Variants in WNT10A observed in about 807,000 individuals in gnomAD.
WNT10A encodes Wnt family member 10A.
In WNT10A, 37 loss-of-function variants were observed where a neutral mutation model predicts 36.1. The observed-to-expected ratio is 1.02, with a 90% CI of 0.79 to 1.35. WNT10A has a LOEUF of 1.35. Ranked by LOEUF, WNT10A falls within the 40% of genes most tolerant of loss-of-function variation. WNT10A has a pLI of 0.00. For synonymous variants in WNT10A, 255 were observed against 254.1 expected, an observed-to-expected ratio of 1.00 and a Z score of -0.03; for missense variants, 613 against 601.4, an observed-to-expected ratio of 1.02 and a Z score of -0.20.
At chr2:218,874,644 T>C in the WNT10A span, among the ~76,000 whole-genome samples, 1 of 152,178 alleles carries the variant, frequency 6.6e-6, no homozygotes, top group African/African-American at 2.4e-5. Context: ...AGGGATGGCA[T>C]AGCCCAACTT....
chr2:218,878,822 T>C (rs1336410395), upstream of WNT10A, among the ~76,000 whole-genome samples: 1 of 152,200 alleles, frequency 6.6e-6, no homozygotes, highest in Non-Finnish European at 1.5e-5. This position sits in a 1 kb window ranked among gnomAD's most constrained non-coding sequence, Gnocchi z 4.1. Flanking sequence ...CCAATAAGAA[T>C]ATGACTCTCC....
Position 218,882,399 on chromosome 2 carries a change from T to TA in WNT10A, c.353dup (p.Tyr118Ter). The stretch of plus-strand genomic sequence containing the variant: ...CCTGGAGACTCGCAACAAGATCCCC[T>TA]ATGAGAGTCCCATCTTCAGCAGAGG... ...SSLETRNKIP[Y>*]ESPIFSRGFR... is the part of the protein sequence containing the mutation. The change falls in exon 2 of 4, where the codon TAT (tyrosine) becomes TAAT (stop). Residue 118 changes from tyrosine to a stop codon, truncating the protein, a stop_gained and frameshift_variant. Transcript: ENST00000258411. LOFTEE classifies it high-confidence loss of function. 1 of 1,614,108 alleles carries TA rather than the reference T, an allele frequency of 6.2e-7. No homozygotes were observed. The highest frequency in any genetic ancestry group is 8.5e-7 in the Non-Finnish European group (1 of 1,180,000).
At position 218,892,923 on chromosome 2, in the gene WNT10A, G is replaced by A. The variant is rs898393511; in HGVS notation, c.906G>A (p.Pro302=). ...TCCACCGCGCCACGCTCATCCGGCC[G>A]CACAACCGCAACGGCGGCCAGCTGG... The part of the protein sequence containing the change: ...SRFHRATLIR[P]HNRNGGQLEP... Residue 302 remains proline, a synonymous_variant, in exon 4 of 4, where the codon CCG becomes CCA. Coordinates refer to ENST00000258411, the MANE Select transcript of WNT10A (RefSeq NM_025216.3). 4.0e-6 allele frequency: 6 copies of A among 1,498,514 alleles called. No homozygotes were observed. The African/African-American group carries it at 8.6e-5, about 22-fold the overall frequency. The allele number at this position is 1,498,514 out of a possible 1,614,324, so 92.8% of individuals were successfully genotyped here. A position where few individuals can be genotyped will look rare whatever the true frequency, so the allele number is the denominator to read the frequency against.
At position 218,882,133 on chromosome 2, in the gene WNT10A, G is replaced by A. The variant is rs537117370; in HGVS notation, c.114-28G>A. The A allele has an allele frequency of 4.5e-5, 73 of 1,608,286 alleles. No homozygotes were observed. In the South Asian group the frequency reaches 5.7e-4, roughly 13 times the overall value. On this transcript the variant is annotated intron_variant, in intron 1 of 3. Transcript: ENST00000258411. ...GGCTCTCCTGGTCCCCCCAAAACAC[G>A]TACCCACTCCACCCCATATGTCTGC...
intron 3 of WNT10A, among the ~76,000 whole-genome samples, chr2:218,892,060 C>T (rs562555963): frequency 3.1e-4 from 47 of 152,062 alleles, no homozygotes; most frequent in Non-Finnish European, 6.3e-4. Flanking sequence ...TGGCTCTCTC[C>T]GGTTCCATTC....
In WNT10A at chr2:218,880,944, G is replaced by C; in HGVS notation, c.-52G>C. 1 of 1,529,672 alleles carries C rather than the reference G, an allele frequency of 6.5e-7. No homozygotes were observed. The highest frequency in any genetic ancestry group is 8.8e-7 in the Non-Finnish European group (1 of 1,138,528). 94.8% of individuals were successfully genotyped at this position (1,529,672 alleles called of 1,614,324 possible). A position where few individuals can be genotyped will look rare whatever the true frequency, so the allele number is the denominator to read the frequency against. ...ATGCGCCGGCGCCCCTGGCTCTCCA[G>C]TCCCACTGGGCTGTGAGCCCCCCAC... On this transcript the variant is annotated 5_prime_UTR_variant, in exon 1 of 4. Coordinates refer to ENST00000258411, the MANE Select transcript of WNT10A (RefSeq NM_025216.3). The surrounding 1 kb of genome is among the most constrained non-coding windows in gnomAD (Gnocchi z 7.7).
At chr2:218,886,709 A>T (rs1335572066) in intron 2 of WNT10A, among the ~76,000 whole-genome samples, 1 of 143,706 alleles carries the variant, frequency 7.0e-6, no homozygotes, top group Non-Finnish European at 1.5e-5. Flanking sequence ...AGCTGGCCAG[A>T]TGGCACAGTG....
At chr2:218,882,071 T>C (rs1944523247) in intron 1 of WNT10A, 90 bp from the exon 2 acceptor site, 1 of 1,518,124 alleles carries the variant, frequency 6.6e-7, no homozygotes, top group Non-Finnish European at 8.9e-7. Context: ...GAGGGAGTGA[T>C]TATGGCCGTT....
At chr2:218,885,858 C>T (rs575509657) in intron 2 of WNT10A, among the ~76,000 whole-genome samples, 1 of 152,320 alleles carries the variant, frequency 6.6e-6, no homozygotes, top group South Asian at 2.1e-4. Context: ...CTAACGATAC[C>T]CAATTAATTA....
At chr2:218,881,155 G>T (rs546745985) in intron 1 of WNT10A, 47 bp downstream of exon 1, 2 of 1,554,022 alleles carry the variant, frequency 1.3e-6, no homozygotes, top group Non-Finnish European at 1.7e-6. Flanking sequence ...TTGGGACCCC[G>T]GCCTGCAGGG....
upstream of WNT10A, chr2:218,880,770 C>CGGTT: frequency 2.1e-6 from 1 of 487,280 alleles, no homozygotes; most frequent in Non-Finnish European, 3.6e-6. This position sits in a 1 kb window ranked among gnomAD's most constrained non-coding sequence, Gnocchi z 7.7. Flanking sequence ...AGGAGGTGCC[C>CGGTT]GGTTCGCCCG....
intron 2 of WNT10A, among the ~76,000 whole-genome samples, chr2:218,886,324 C>T (rs1365622736): frequency 2.0e-5 from 3 of 152,188 alleles, no homozygotes; most frequent in Non-Finnish European, 2.9e-5. Context: ...CTCTCTCTGC[C>T]CAGGCACATG....
chr2:218,883,531 TCCCGCCCCGC>T (rs1356504343), intron 2 of WNT10A, among the ~76,000 whole-genome samples: 3 of 41,446 alleles, frequency 7.2e-5, no homozygotes, highest in South Asian at 7.4e-4. Context: ...GCCCCAGGCC[TCCCGCCCCGC>T]CCCGCCCCGC....
upstream of WNT10A, chr2:218,880,584 C>G (rs2106010338): frequency 5.2e-6 from 1 of 193,966 alleles, no homozygotes; most frequent in Admixed American, 6.3e-5. The surrounding 1 kb of genome is among the most constrained non-coding windows in gnomAD (Gnocchi z 7.7). Flanking sequence ...GCGCCGCCCC[C>G]GCCAGCCAGC....
chr2:218,892,788 C>T lies in WNT10A; in HGVS notation c.771C>T (p.Asn257=), dbSNP rs1411583565. The T allele has an allele frequency of 3.8e-6, 6 of 1,594,712 alleles. No individual in the cohort carries two copies. In the East Asian group the frequency reaches 1.4e-4, roughly 36 times the overall value. Residue 257 remains asparagine (N), a synonymous_variant, in exon 4 of 4, where the codon AAC becomes AAT. Transcript: ENST00000258411. ...TCCCTCCGCAGGCAGTGATGGAGAA[C>T]ATGCGGCGGAAGTGCAAGTGCCACG... ...NRVGRQAVME[N]MRRKCKCHGT... is the part of the protein sequence containing the mutation.
chr2:218,886,332 A>C (rs1414384190), intron 2 of WNT10A, among the ~76,000 whole-genome samples: 1 of 152,216 alleles, frequency 6.6e-6, no homozygotes, highest in African/African-American at 2.4e-5. Flanking sequence ...GCCCAGGCAC[A>C]TGAGCAATGC....
chr2:218,892,001 C>T (rs970322298), intron 3 of WNT10A, among the ~76,000 whole-genome samples: 1 of 152,096 alleles, frequency 6.6e-6, no homozygotes, highest in Admixed American at 6.5e-5. Context: ...CCATAACCAC[C>T]TCCCTTGGAG....
chr2:218,892,841 C>T lies in WNT10A; in HGVS notation c.824C>T (p.Thr275Met), dbSNP rs1386231185. 3 of 1,593,568 alleles carry T rather than the reference C, an allele frequency of 1.9e-6. No individual in the cohort carries two copies. Among genetic ancestry groups the T allele is most frequent in the Non-Finnish European group, 1.7e-6 (2 of 1,171,590 alleles). ...ACGTCAGGCAGCTGCCAGCTCAAGA[C>T]GTGCTGGCAGGTGACGCCCGAGTTC... ...HGTSGSCQLKTCWQVTPEFRT... is the reference protein window; with the variant it reads ...HGTSGSCQLKMCWQVTPEFRT... The change falls in exon 4 of 4, where the codon ACG becomes ATG. Residue 275 changes from threonine to methionine, a missense_variant. By Grantham distance (81) the Thr-to-Met change is moderately conservative. Transcript: ENST00000258411.
the WNT10A span, among the ~76,000 whole-genome samples, chr2:218,875,155 CTTTCTTTTTTTTTTTTTTTTTTTTTT>C: frequency 3.2e-5 from 2 of 62,738 alleles, no homozygotes; most frequent in African/African-American, 9.3e-5. Context: ...ATAAGACTGA[CTTTCTTTTTTTTTTTTTTTTTTTTTT>C]TTTTTTTTTT....
Sources: allele counts gnomAD v4.1 joint callset (sites outside exome capture counted in the v4.1 genomes callset), GRCh38; gene constraint gnomAD v4.1.1; non-coding constraint Gnocchi (gnomAD v3.1); transcripts MANE v1.5; gene names NCBI Gene and HGNC (gene_info 2026-07-23, HGNC 2026-07-21).